Variants in PGAP6 observed in about 807,000 individuals in gnomAD.
PGAP6 encodes the protein post-GPI attachment to proteins 6.
A neutral mutation model predicts 68.4 loss-of-function variants in PGAP6; 62 were observed. That is an observed-to-expected ratio of 0.91 (90% confidence interval 0.74 to 1.12). The LOEUF (loss-of-function observed/expected upper bound fraction) is 1.12, where lower values mean the gene tolerates loss of function less well. Among genes scored for constraint, PGAP6 ranks in the 50% most tolerant of loss-of-function variants. PGAP6 has a pLI of 0.00. For synonymous variants in PGAP6, 575 were observed against 474.0 expected (o/e 1.21, Z -2.77); for missense variants, 1,188 against 1,068.5 (o/e 1.11, Z -1.56).
In PGAP6 at chr16:371,488, G is replaced by C. The variant is rs1336271903; in HGVS notation, c.*499C>G. On this transcript the variant is annotated 3_prime_UTR_variant, in exon 13 of 13. Coordinates refer to ENST00000431232, the MANE Select transcript of PGAP6 (RefSeq NM_021259.3). ...CCTATGGTGACCACAGCAGCAGAGG[G>C]GGATCCTCCATGCCCCAGGCAGGCT... 2 of 162,822 alleles carry C rather than the reference G, an allele frequency of 1.2e-5. No homozygotes were observed. Among genetic ancestry groups the C allele is most frequent in the African/African-American group, 4.8e-5 (2 of 41,496 alleles). The allele number at this position is 162,822 out of a possible 1,614,324, so 10.1% of individuals were successfully genotyped here.
At chr16:372,853 C>T in intron 11 of PGAP6, 126 bp from the exon 12 acceptor site, 1 of 651,046 alleles carries the variant, frequency 1.5e-6, no homozygotes, top group Non-Finnish European at 2.7e-6. Context: ...ACCCTCAGAC[C>T]AGCTCTGCCA....
rs908074392 is a variant in PGAP6, at chr16:371,612, C to G, written c.*375G>C. The G allele has an allele frequency of 1.1e-4, 23 of 217,746 alleles. No individual in the cohort carries two copies. In the South Asian group the frequency reaches 1.3e-3, roughly 13 times the overall value. The allele number at this position is 217,746 out of a possible 1,614,324, so 13.5% of individuals were successfully genotyped here. On this transcript the variant is annotated 3_prime_UTR_variant, in exon 13 of 13. Transcript: ENST00000431232. ...GGGCTCCTGGGCGCCATGGGTCTCA[C>G]CACAGCCTCGCCAGGGAACAGGACC...
chr16:377,323 A>G, intron 3 of PGAP6, 55 bp downstream of exon 3: 1 of 1,549,182 alleles, frequency 6.5e-7, no homozygotes, highest in Non-Finnish European at 8.7e-7. Flanking sequence ...AACGGCAGGG[A>G]CAGGCCATCG....
chr16:372,502 A>G (rs1381504987), intron 12 of PGAP6, 109 bp downstream of exon 12: 1 of 1,016,608 alleles, frequency 9.8e-7, no homozygotes, highest in African/African-American at 1.6e-5. Context: ...CCCCCAGCAG[A>G]TATGGGCATT....
In PGAP6 at chr16:371,855, GAAGT is replaced by G; in HGVS notation, c.*128_*131del. 1.0e-6 allele frequency: 1 copy of G among 957,056 alleles called. No individual in the cohort carries two copies. Among genetic ancestry groups the G allele is most frequent in the East Asian group, 2.5e-5 (1 of 39,484 alleles). 59.3% of individuals were successfully genotyped at this position (957,056 alleles called of 1,614,324 possible). On this transcript the variant is annotated 3_prime_UTR_variant, in exon 13 of 13. Transcript: ENST00000431232. ...GGGGTGGCCCTCTCCTCAGTAGGAG[GAAGT>G]AAGAGGGTATCTAGGCCAATTTATT...
At chr16:385,004 A>G (rs184488831), upstream of PGAP6, among the ~76,000 whole-genome samples, 662 of 151,914 alleles carry the variant, frequency 4.4e-3, 24 homozygotes, top group Admixed American at 0.038. Flanking sequence ...TGTCTCTACT[A>G]AAAATATAAA....
chr16:376,978 A>G, intron 4 of PGAP6, 59 bp downstream of exon 4: 2 of 1,602,508 alleles, frequency 1.2e-6, no homozygotes, highest in Non-Finnish European at 1.7e-6. Context: ...CACCCACTCC[A>G]CCGAATCTGA....
chr16:371,979 G>A lies in PGAP6; in HGVS notation c.*8C>T, dbSNP rs1205680102. ...GTCATCAGAGCAGCAGCTGTCCCCA[G>A]GCCAGTGTCACGTCACTGCGTACAG... On this transcript the variant is annotated 3_prime_UTR_variant, in exon 13 of 13. Coordinates refer to ENST00000431232, the MANE Select transcript of PGAP6 (RefSeq NM_021259.3). The A allele has an allele frequency of 4.4e-6, 7 of 1,608,810 alleles. No individual in the cohort carries two copies. The highest frequency in any genetic ancestry group is 2.2e-5 in the East Asian group (1 of 44,844).
upstream of PGAP6, chr16:386,758 A>T: frequency 1.9e-6 from 1 of 516,734 alleles, no homozygotes. Context: ...TGGCCTTTTC[A>T]CAAGATGGCG....
rs1316690585 is a variant in PGAP6, at chr16:375,241, T to C, written c.1331A>G (p.Tyr444Cys). 6.2e-7 allele frequency: 1 copy of C among 1,613,014 alleles called. No individual in the cohort carries two copies. The highest frequency in any genetic ancestry group is 8.5e-7 in the Non-Finnish European group (1 of 1,179,934). ...AGACCAGGCGCTCAGAGACAAAGGG[T>C]AGCCCTGGAAGAAGGCTGCAGGGGA... ...LNCTTAFFQG[Y>C]PLSLSAWSRR... The change falls in exon 8 of 13, where the codon TAC (tyrosine) becomes TGC (cysteine). Residue 444 changes from tyrosine to cysteine, a missense_variant. Tyr to Cys is a radical substitution (Grantham distance 194, BLOSUM62 -2). Transcript: ENST00000431232.
In PGAP6 at chr16:376,345, C is replaced by T; in HGVS notation, c.1015G>A (p.Gly339Ser). Residue 339 changes from glycine to serine, a missense_variant, in exon 6 of 13, where the codon GGC (glycine) becomes AGC (serine). Transcript: ENST00000431232. The stretch of plus-strand genomic sequence containing the variant: ...CTGCGGTCCACCCTGCCACTCCTGC[C>T]CAGGTCCTGGTGGTCGGGGCTCGGG... ...LSPSPDHQDL[G>S]RSGRVDRSPF... is the part of the protein sequence containing the mutation. 1.2e-6 allele frequency: 2 copies of T among 1,612,612 alleles called. No individual in the cohort carries two copies. Among genetic ancestry groups the T allele is most frequent in the South Asian group, 1.1e-5 (1 of 91,076 alleles).
At position 381,955 on chromosome 16, in the gene PGAP6, C is replaced by G; in HGVS notation, c.-134G>C. ...CCCGGCGCCCATGGCCCGGCCGGTC[C>G]CCGCCGCCGTCGCCCCGGGCACTTC... is the stretch of plus-strand genomic sequence containing the variant. On this transcript the variant is annotated 5_prime_UTR_variant, in exon 1 of 13. Coordinates refer to ENST00000431232, the MANE Select transcript of PGAP6 (RefSeq NM_021259.3). 2 of 976,454 alleles carry G rather than the reference C, an allele frequency of 2.0e-6. No homozygotes were observed. The highest frequency in any genetic ancestry group is 2.4e-6 in the Non-Finnish European group (2 of 823,186). The allele number at this position is 976,454 out of a possible 1,614,324, so 60.5% of individuals were successfully genotyped here. A position where few individuals can be genotyped will look rare whatever the true frequency, so the allele number is the denominator to read the frequency against.
At chr16:386,746 ATTGGCCTTTTC>A (rs2054487808), upstream of PGAP6, 1 of 448,156 alleles carries the variant, frequency 2.2e-6, no homozygotes, top group Admixed American at 3.2e-5. Flanking sequence ...AAAAAAAAAA[ATTGGCCTTTTC>A]ACAAGATGGC....
intron 11 of PGAP6, 45 bp from the exon 12 acceptor site, chr16:372,772 C>G (rs760638247): frequency 4.2e-6 from 6 of 1,439,702 alleles, no homozygotes; most frequent in South Asian, 1.2e-5. Context: ...TCTGAGGGCT[C>G]AAGGCCCAGC....
Position 377,179 on chromosome 16 carries a change from G to A in PGAP6, c.508-15C>T. On this transcript the variant is annotated splice_polypyrimidine_tract_variant and intron_variant, in intron 3 of 12. Coordinates refer to ENST00000431232, the MANE Select transcript of PGAP6 (RefSeq NM_021259.3). ...GGAGCCAAGCCCTAGGGAAAGAACA[G>A]GTGTGGGCGGGGGCGGTGTCAGAGA... 1 of 1,612,946 alleles carries A rather than the reference G, an allele frequency of 6.2e-7. No homozygotes were observed. The highest frequency in any genetic ancestry group is 8.5e-7 in the Non-Finnish European group (1 of 1,180,000).
In PGAP6 at chr16:374,004, C is replaced by G; in HGVS notation, c.1902+1G>C. ...CACACCCCACGTCGAGGGCCACTCA[C>G]GTATTTCAGGACTGTCTTGAGCCGT... On this transcript the variant is annotated splice_donor_variant, in intron 11 of 12. Coordinates refer to ENST00000431232, the MANE Select transcript of PGAP6 (RefSeq NM_021259.3). LOFTEE classifies it high-confidence loss of function. 6.2e-7 allele frequency: 1 copy of G among 1,605,064 alleles called. No homozygotes were observed. The highest frequency in any genetic ancestry group is 8.5e-7 in the Non-Finnish European group (1 of 1,176,516).
upstream of PGAP6, among the ~76,000 whole-genome samples, chr16:386,406 CT>C: frequency 6.6e-6 from 1 of 152,226 alleles, no homozygotes; most frequent in South Asian, 2.1e-4. Flanking sequence ...TCATGGCCAC[CT>C]GGTAGACATG....
rs114839210 is a variant in PGAP6 at position 374,173 on chromosome 16, G to A, written c.1756-22C>T. ...AGAACTGTGGGGAGGCTCCATGAGC[G>A]CGGTCCTGCCCTCCCACCCCACATC... is the stretch of plus-strand genomic sequence containing the variant. On this transcript the variant is annotated intron_variant, in intron 10 of 12. Transcript: ENST00000431232. 3.8e-4 allele frequency: 605 copies of A among 1,610,466 alleles called. 2 individuals carry two copies. In the African/African-American group the frequency reaches 7.3e-3, roughly 19 times the overall value.
chr16:382,121 G>C, upstream of PGAP6: 1 of 376,750 alleles, frequency 2.7e-6, no homozygotes, highest in Non-Finnish European at 4.7e-6. Flanking sequence ...GGCGCGCGGG[G>C]GACGGACCGG....
Sources: allele counts gnomAD v4.1 joint callset (sites outside exome capture counted in the v4.1 genomes callset), GRCh38; gene constraint gnomAD v4.1.1; transcripts MANE v1.5; gene names NCBI Gene and HGNC (gene_info 2026-07-23, HGNC 2026-07-21).